The following TXN2 variants were observed in gnomAD, a reference collection of about 807,000 sequenced individuals.
TXN2 encodes thioredoxin 2.
In TXN2, 12 loss-of-function variants were observed where a neutral mutation model predicts 14.6. The ratio of observed to expected loss-of-function variants is 0.82; its 90% CI spans 0.53 to 1.33. TXN2 has a LOEUF of 1.33. Among genes scored for constraint, TXN2 ranks in the 40% most tolerant of loss-of-function variants. The probability of loss-of-function intolerance (pLI) is 0.00; values close to 1 mark genes in which losing one functional copy is unlikely to be tolerated. For synonymous variants in TXN2, 89 were observed against 81.0 expected (o/e 1.10, Z -0.53); for missense variants, 173 against 207.7 (o/e 0.83, Z 1.03).
rs144837617 is a variant in TXN2 at position 36,472,915 on chromosome 22, A to G, written c.387+3818T>C. The stretch of plus-strand genomic sequence containing the variant: ...ACCAGAAAGTCAATCTGGGGCCTTC[A>G]GAATGAAAAAGTCAGTATGGGGCCT... On this transcript the variant is annotated intron_variant, in intron 3 of 3. Transcript: ENST00000216185. 3.9e-5 allele frequency among the ~76,000 whole-genome samples: 6 copies of G among 152,138 alleles called. No homozygotes were observed. The East Asian group carries it at 9.7e-4, about 24-fold the overall frequency.
At position 36,467,238 on chromosome 22, in the gene TXN2, TG is replaced by T. The variant is rs1568974282; in HGVS notation, c.*565del. On this transcript the variant is annotated 3_prime_UTR_variant, in exon 4 of 4. Coordinates refer to ENST00000216185, the MANE Select transcript of TXN2 (RefSeq NM_012473.4). ...GAGGCAGCTCCCTGGGGGGTGGGAA[TG>T]GGTGACTAGAGGGGATTTCAGTGTG... The T allele has an allele frequency of 6.6e-6, 1 of 152,566 alleles. No homozygotes were observed. Among genetic ancestry groups the T allele is most frequent in the African/African-American group, 2.4e-5 (1 of 41,436 alleles). The allele number at this position is 152,566 out of a possible 1,614,324, so 9.5% of individuals were successfully genotyped here. A position where few individuals can be genotyped will look rare whatever the true frequency, so the allele number is the denominator to read the frequency against.
At chr22:36,470,963 GCATACACACATATATACACACACACA>G (rs370398883) in intron 3 of TXN2, among the ~76,000 whole-genome samples, 1,981 of 151,856 alleles carry the variant, frequency 0.013, 37 homozygotes, top group African/African-American at 0.045. Context: ...ACACACACAC[GCATACACACATATATACACACACACA>G]CATACACACT....
intron 3 of TXN2, among the ~76,000 whole-genome samples, chr22:36,473,259 A>G (rs765158443): frequency 2.0e-5 from 3 of 152,200 alleles, no homozygotes; most frequent in Non-Finnish European, 2.9e-5. Flanking sequence ...CCTGGCAAAC[A>G]TGGTAAAACC....
chr22:36,467,920 G>C lies in TXN2; in HGVS notation c.388-3C>G, dbSNP rs754806763. On this transcript the variant is annotated splice_polypyrimidine_tract_variant and splice_region_variant and intron_variant, in intron 3 of 3. Coordinates refer to ENST00000216185, the MANE Select transcript of TXN2 (RefSeq NM_012473.4). ...AGCACAGTGGGCACCGCTGACACCT[G>C]GGTGGAGAGGACAAGGGGGTCCAAG... The C allele has an allele frequency of 9.3e-6, 15 of 1,613,390 alleles. No individual in the cohort carries two copies. The highest frequency in any genetic ancestry group is 1.3e-5 in the Non-Finnish European group (15 of 1,179,320).
intron 1 of TXN2, 70 bp from the exon 2 acceptor site, chr22:36,480,907 G>C (rs1352382781): frequency 2.4e-5 from 36 of 1,492,732 alleles, no homozygotes; most frequent in Non-Finnish European, 3.2e-5. Flanking sequence ...AAGATTTGGG[G>C]AGTACTCAGG....
In TXN2 at chr22:36,467,678, G is replaced by T; in HGVS notation, c.*126C>A. Reference sequence around the variant, plus strand: ...CAGCTCGGAAGCACTCAGGGCTGGAGCCTGGGCTCTAAGCATGGGCCCCAG... The same window carrying T: ...CAGCTCGGAAGCACTCAGGGCTGGATCCTGGGCTCTAAGCATGGGCCCCAG... On this transcript the variant is annotated 3_prime_UTR_variant, in exon 4 of 4. Transcript: ENST00000216185. 1.2e-6 allele frequency: 1 copy of T among 809,648 alleles called. No homozygotes were observed. Among genetic ancestry groups the T allele is most frequent in the South Asian group, 1.5e-5 (1 of 64,684 alleles). 50.2% of individuals were successfully genotyped at this position (809,648 alleles called of 1,614,324 possible).
intron 3 of TXN2, among the ~76,000 whole-genome samples, chr22:36,471,417 C>T (rs7284468): frequency 0.13 from 19,588 of 152,130 alleles, 1,498 homozygotes; most frequent in African/African-American, 0.21. Context: ...TGTCCCACCC[C>T]GATGGCATCC....
intron 3 of TXN2, among the ~76,000 whole-genome samples, chr22:36,475,394 C>T (rs965971809): frequency 6.6e-6 from 1 of 152,198 alleles, no homozygotes; most frequent in Non-Finnish European, 1.5e-5. Flanking sequence ...AACAAAAACC[C>T]TGCCTCATAC....
chr22:36,481,082 A>G, intron 1 of TXN2: 1 of 435,372 alleles, frequency 2.3e-6, no homozygotes. Flanking sequence ...GATTTAGATT[A>G]TAACGGAAGA....
At position 36,480,561 on chromosome 22, in the gene TXN2, C is replaced by A. The variant is rs568107961; in HGVS notation, c.263+14G>T. On this transcript the variant is annotated intron_variant, in intron 2 of 3. Transcript: ENST00000216185. ...AAGTAGGACCCTAGTCTTCTGTGGA[C>A]CCCCAATACTCACTGTGCGTGGAAA... is the stretch of plus-strand genomic sequence containing the variant. 6.2e-7 allele frequency: 1 copy of A among 1,610,572 alleles called. No individual in the cohort carries two copies. The highest frequency in any genetic ancestry group is 1.3e-5 in the African/African-American group (1 of 75,016).
chr22:36,470,465 G>A (rs566534466), intron 3 of TXN2, among the ~76,000 whole-genome samples: 4 of 152,310 alleles, frequency 2.6e-5, no homozygotes, highest in Non-Finnish European at 2.9e-5. Context: ...CCTCAAAGCC[G>A]GAGCCTCTTG....
rs1933194691 is a variant in TXN2 at position 36,467,933 on chromosome 22, A to C, written c.388-16T>G. 1 of 1,606,232 alleles carries C rather than the reference A, an allele frequency of 6.2e-7. No homozygotes were observed. The highest frequency in any genetic ancestry group is 1.3e-5 in the African/African-American group (1 of 74,884). ...CCGCTGACACCTGGGTGGAGAGGAC[A>C]AGGGGGTCCAAGTGAATTGGGAGTG... On this transcript the variant is annotated splice_polypyrimidine_tract_variant and intron_variant, in intron 3 of 3. Coordinates refer to ENST00000216185, the MANE Select transcript of TXN2 (RefSeq NM_012473.4).
chr22:36,470,766 T>C (rs1933255869), intron 3 of TXN2, among the ~76,000 whole-genome samples: 1 of 142,714 alleles, frequency 7.0e-6, no homozygotes, highest in Non-Finnish European at 1.5e-5. Flanking sequence ...CAAGACGTCG[T>C]CTCCATAAAA....
chr22:36,468,508 G>A (rs1298627150), intron 3 of TXN2: 1 of 310,836 alleles, frequency 3.2e-6, no homozygotes, highest in Non-Finnish European at 6.4e-6. Flanking sequence ...AGGATTGCTT[G>A]AGTTCAAGAG....
intron 3 of TXN2, among the ~76,000 whole-genome samples, chr22:36,471,682 G>C (rs566743207): frequency 6.6e-6 from 1 of 152,284 alleles, no homozygotes; most frequent in East Asian, 1.9e-4. Context: ...AAATGATGTG[G>C]TGTAGGACAG....
At chr22:36,477,289 G>C (rs1324700956) in intron 2 of TXN2, among the ~76,000 whole-genome samples, 1 of 152,100 alleles carries the variant, frequency 6.6e-6, no homozygotes, top group African/African-American at 2.4e-5. Context: ...CTCACTGCAA[G>C]CTCCGCCTCC....
chr22:36,480,129 C>T (rs923477421), intron 2 of TXN2, among the ~76,000 whole-genome samples: 7 of 152,060 alleles, frequency 4.6e-5, no homozygotes, highest in African/African-American at 1.4e-4. Context: ...GTGATCTGCC[C>T]GCCTTGGCCT....
At chr22:36,481,497 G>T in intron 1 of TXN2, 67 bp downstream of exon 1, 2 of 875,484 alleles carry the variant, frequency 2.3e-6, no homozygotes. Flanking sequence ...GCCAGCCTGC[G>T]CAGGAACGCG....
In TXN2 at chr22:36,467,499, G is replaced by C. The variant is rs1004108423; in HGVS notation, c.*305C>G. 2.6e-5 allele frequency: 9 copies of C among 342,008 alleles called. No homozygotes were observed. Among genetic ancestry groups the C allele is most frequent in the Non-Finnish European group, 4.4e-5 (8 of 180,418 alleles). 21.2% of individuals were successfully genotyped at this position (342,008 alleles called of 1,614,324 possible). ...GGACCAAGGTGTGGCTGCCTGACTA[G>C]GAACGCTGTGGGCTGGCCCAGGCTC... On this transcript the variant is annotated 3_prime_UTR_variant, in exon 4 of 4. Transcript: ENST00000216185.
Sources: allele counts gnomAD v4.1 joint callset (sites outside exome capture counted in the v4.1 genomes callset), GRCh38; gene constraint gnomAD v4.1.1; transcripts MANE v1.5; gene names NCBI Gene and HGNC (gene_info 2026-07-23, HGNC 2026-07-21).